The following SLC15A1 variants were observed in gnomAD, a reference collection of about 807,000 sequenced individuals.
SLC15A1 encodes the protein Caco-2 oligopeptide transporter.
Under a neutral mutation model 92.9 loss-of-function variants are expected in SLC15A1, and 83 were observed. The ratio of observed to expected loss-of-function variants is 0.89; its 90% CI spans 0.75 to 1.07. The LOEUF (loss-of-function observed/expected upper bound fraction) is 1.07. Among genes scored for constraint, SLC15A1 ranks in the 50% least tolerant of loss-of-function variants. The probability of loss-of-function intolerance (pLI) is 0.00; values close to 1 mark genes in which losing one functional copy is unlikely to be tolerated. For synonymous variants in SLC15A1, 322 were observed against 318.2 expected, an observed-to-expected ratio of 1.01 and a Z score of -0.13; for missense variants, 857 against 880.1, an observed-to-expected ratio of 0.97 and a Z score of 0.33.
At chr13:98,747,969 T>C (rs2088508519) in intron 1 of SLC15A1, among the ~76,000 whole-genome samples, 1 of 152,178 alleles carries the variant, frequency 6.6e-6, no homozygotes, top group Non-Finnish European at 1.5e-5. Flanking sequence ...TGAAAGACCA[T>C]GCAAACATTT....
At chr13:98,724,608 A>T (rs528797856) in intron 4 of SLC15A1, among the ~76,000 whole-genome samples, 2 of 152,202 alleles carry the variant, frequency 1.3e-5, no homozygotes, top group East Asian at 3.9e-4. Flanking sequence ...AGTAGCTAGG[A>T]CTACAGGGGC....
At chr13:98,735,202 G>A (rs1453531857) in intron 1 of SLC15A1, among the ~76,000 whole-genome samples, 3 of 152,118 alleles carry the variant, frequency 2.0e-5, no homozygotes, top group Non-Finnish European at 2.9e-5. Context: ...ATCAATAAAC[G>A]TAATCCATCA....
intron 5 of SLC15A1, 133 bp downstream of exon 5, chr13:98,723,779 C>G: frequency 8.0e-7 from 1 of 1,242,968 alleles, no homozygotes; most frequent in Non-Finnish European, 1.1e-6. Flanking sequence ...TGACAGCCTT[C>G]TCCATGCTGC....
intron 8 of SLC15A1, among the ~76,000 whole-genome samples, chr13:98,716,241 T>C (rs1417920483): frequency 2.0e-5 from 3 of 152,196 alleles, no homozygotes; most frequent in African/African-American, 7.2e-5. Context: ...CTCACACAGC[T>C]ATTTAAGCAC....
In SLC15A1 at chr13:98,726,236, G is replaced by C. The variant is rs759378940; in HGVS notation, c.132C>G (p.Phe44Leu). 1.2e-6 allele frequency: 2 copies of C among 1,614,052 alleles called. No homozygotes were observed. The highest frequency in any genetic ancestry group is 2.7e-5 in the African/African-American group (2 of 74,918). ...TGGACAGGTTATCATCCCAGCTGAT[G>C]AAATTTGTGAAGTACAGAATCAGGA... Reference protein sequence around the residue: ...RAILILYFTNFISWDDNLSTA... With the variant: ...RAILILYFTNLISWDDNLSTA... The change falls in exon 4 of 23, where the codon TTC becomes TTG. Residue 44 changes from phenylalanine to leucine, a missense_variant. Coordinates refer to ENST00000376503, the MANE Select transcript of SLC15A1 (RefSeq NM_005073.4).
chr13:98,708,742 T>G lies in SLC15A1; in HGVS notation c.1093A>C (p.Met365Leu). 4 of 1,612,288 alleles carry G rather than the reference T, an allele frequency of 2.5e-6. No homozygotes were observed. Among genetic ancestry groups the G allele is most frequent in the East Asian group, 2.2e-5 (1 of 44,656 alleles). The change falls in exon 15 of 23, where the codon ATG becomes CTG. Residue 365 changes from methionine to leucine, a missense_variant. Met to Leu is a conservative substitution (Grantham distance 15). Coordinates refer to ENST00000376503, the MANE Select transcript of SLC15A1 (RefSeq NM_005073.4). ...ACAAAGGCCATGGAGGCCAGGACCA[T>G]GCCAACTGCCATCTTCTTCAAGGAG... is the stretch of plus-strand genomic sequence containing the variant. Reference protein sequence around the residue: ...FTSLKKMAVGMVLASMAFVVA... With the variant: ...FTSLKKMAVGLVLASMAFVVA...
In SLC15A1 at chr13:98,726,229, AGCT is replaced by A. The variant is rs1489926040; in HGVS notation, c.136_138del (p.Ser46del). On this transcript the variant is annotated inframe_deletion, in exon 4 of 23. Transcript: ENST00000376503. ...ATGGCGGTGGACAGGTTATCATCCC[AGCT>A]GATGAAATTTGTGAAGTACAGAATC... The A allele has an allele frequency of 6.2e-7, 1 of 1,614,146 alleles. No individual in the cohort carries two copies. Among genetic ancestry groups the A allele is most frequent in the East Asian group, 2.2e-5 (1 of 44,876 alleles).
chr13:98,718,189 A>G (rs568685305), intron 8 of SLC15A1, among the ~76,000 whole-genome samples: 24 of 152,140 alleles, frequency 1.6e-4, no homozygotes, highest in Admixed American at 1.4e-3. Context: ...TTCAGTGGCA[A>G]CTGAACCAGG....
At chr13:98,707,941 T>TTA (rs60611613) in intron 15 of SLC15A1, among the ~76,000 whole-genome samples, 24,868 of 145,440 alleles carry the variant, frequency 0.17, 4,056 homozygotes, top group African/African-American at 0.43. Flanking sequence ...AAATGTTATG[T>TTA]TATATATATA....
intron 1 of SLC15A1, among the ~76,000 whole-genome samples, chr13:98,735,536 T>C (rs9513470): frequency 0.44 from 66,176 of 152,020 alleles, 15,052 homozygotes; most frequent in East Asian, 0.61. Context: ...AGGAAAAGAA[T>C]TGAATAGTCA....
chr13:98,713,772 C>A (rs1248372886), intron 9 of SLC15A1, among the ~76,000 whole-genome samples: 1 of 152,088 alleles, frequency 6.6e-6, no homozygotes, highest in Non-Finnish European at 1.5e-5. Flanking sequence ...GTTGGCCAGG[C>A]GCAGTGGCTC....
intron 1 of SLC15A1, among the ~76,000 whole-genome samples, chr13:98,752,152 C>T (rs1234868456): frequency 6.6e-6 from 1 of 152,228 alleles, no homozygotes; most frequent in African/African-American, 2.4e-5. Context: ...TCCTCTTGGG[C>T]CAGGGTTCCC....
At chr13:98,690,606 G>T (rs2087966949) in intron 18 of SLC15A1, among the ~76,000 whole-genome samples, 1 of 152,172 alleles carries the variant, frequency 6.6e-6, no homozygotes, top group South Asian at 2.1e-4. Flanking sequence ...GGTGCGACAA[G>T]AAATGAAAAC....
Position 98,687,818 on chromosome 13 carries a change from C to T in SLC15A1, c.1684-94G>A, listed in dbSNP as rs552197056. 4.8e-5 allele frequency: 68 copies of T among 1,420,820 alleles called. No individual in the cohort carries two copies. In the African/African-American group the frequency reaches 9.3e-4, roughly 19 times the overall value. The allele number at this position is 1,420,820 out of a possible 1,614,324, so 88.0% of individuals were successfully genotyped here. ...AATTGAGTTTGACCTTCTAGGATTA[C>T]ATCATATGATTTGTCAAGTACGTAC... On this transcript the variant is annotated intron_variant, in intron 20 of 22. Transcript: ENST00000376503.
Position 98,752,625 on chromosome 13 carries a change from C to G in SLC15A1, c.-27G>C. On this transcript the variant is annotated 5_prime_UTR_variant, in exon 1 of 23. Transcript: ENST00000376503. Reference sequence around the variant, plus strand: ...GCGGCGGCTCCCAGGGCTCCTGCGACCTGCCGGCGGGACGTGCTCCTGGCA... The same window carrying G: ...GCGGCGGCTCCCAGGGCTCCTGCGAGCTGCCGGCGGGACGTGCTCCTGGCA... 1 of 1,252,634 alleles carries G rather than the reference C, an allele frequency of 8.0e-7. No individual in the cohort carries two copies. The highest frequency in any genetic ancestry group is 1.0e-6 in the Non-Finnish European group (1 of 998,306). 77.6% of individuals were successfully genotyped at this position (1,252,634 alleles called of 1,614,324 possible). A position where few individuals can be genotyped will look rare whatever the true frequency, so the allele number is the denominator to read the frequency against.
At position 98,708,782 on chromosome 13, in the gene SLC15A1, G is replaced by A. The variant is rs2088136450; in HGVS notation, c.1068-15C>T. 6.2e-7 allele frequency: 1 copy of A among 1,601,394 alleles called. No individual in the cohort carries two copies. ...TCTTCAAGGAGCTGATGGCACAAGA[G>A]AAGAGTGACTCTCAACCAGTTTCAC... is the stretch of plus-strand genomic sequence containing the variant. On this transcript the variant is annotated splice_polypyrimidine_tract_variant and intron_variant, in intron 14 of 22. Coordinates refer to ENST00000376503, the MANE Select transcript of SLC15A1 (RefSeq NM_005073.4).
chr13:98,689,427 G>A (rs2087958195), intron 18 of SLC15A1, among the ~76,000 whole-genome samples: 1 of 152,080 alleles, frequency 6.6e-6, no homozygotes, highest in Non-Finnish European at 1.5e-5. Flanking sequence ...AAGTGGGCCA[G>A]CCCAGTAACA....
intron 1 of SLC15A1, among the ~76,000 whole-genome samples, chr13:98,751,525 C>A (rs747116176): frequency 1.1e-4 from 16 of 152,196 alleles, no homozygotes; most frequent in Non-Finnish European, 1.9e-4. Flanking sequence ...AACTGCAGCC[C>A]AGGAATCTGC....
At position 98,731,819 on chromosome 13, in the gene SLC15A1, C is replaced by T. The variant is rs372859065; in HGVS notation, c.5-4960G>A. Among the ~76,000 whole-genome samples, 144 of 152,294 alleles carry T rather than the reference C, an allele frequency of 9.5e-4. 1 individual carries two copies. Among genetic ancestry groups the T allele is most frequent in the African/African-American group, 3.4e-3 (142 of 41,560 alleles). ...TACAGAAAAGAGGTCATTCAGAAAG[C>T]TTAGGTCTTAACAATCATTATACAC... On this transcript the variant is annotated intron_variant, in intron 1 of 22. Transcript: ENST00000376503.
Sources: gnomAD v4.1 joint callset for allele counts (sites outside exome capture counted in the v4.1 genomes callset) on GRCh38, gnomAD v4.1.1 for gene constraint, MANE v1.5 for transcripts, NCBI Gene and HGNC (gene_info 2026-07-23, HGNC 2026-07-21) for gene names.